Variants in PDE1A observed in about 807,000 individuals in gnomAD.
PDE1A encodes the protein phosphodiesterase 1A.
PDE1A carries 35 observed loss-of-function variants against 61.7 expected under a neutral mutation model. The observed-to-expected ratio is 0.57, with a 90% CI of 0.43 to 0.75. The LOEUF is 0.75. Ranked by LOEUF, PDE1A falls within the 30% of genes least tolerant of loss-of-function variation. PDE1A has a pLI of 0.00. For synonymous variants in PDE1A, 232 were observed against 213.2 expected, an observed-to-expected ratio of 1.09 and a Z score of -0.77; for missense variants, 597 against 630.6, an observed-to-expected ratio of 0.95 and a Z score of 0.57.
chr2:182,208,259 T>A (rs1050293792), intron 7 of PDE1A, among the ~76,000 whole-genome samples: 3 of 152,104 alleles, frequency 2.0e-5, no homozygotes, highest in Non-Finnish European at 2.9e-5. Flanking sequence ...GACTTACAGT[T>A]CTGCATGGCT....
Position 182,522,565 on chromosome 2 carries a change from T to G in PDE1A, c.-11+100A>C. The stretch of plus-strand genomic sequence containing the variant: ...ACTTTGACAGGCATATATCCACTGC[T>G]CACCACCTCACCACCCCCCTAAGCA... On this transcript the variant is annotated intron_variant, in intron 1 of 14. Coordinates refer to the PDE1A transcript ENST00000410103. 2.2e-6 allele frequency: 3 copies of G among 1,393,792 alleles called. No individual in the cohort carries two copies. The South Asian group carries it at 4.9e-5, about 23-fold the overall frequency. 86.3% of individuals were successfully genotyped at this position (1,393,792 alleles called of 1,614,324 possible).
At chr2:182,453,282 G>C (rs1685648934) in intron 2 of PDE1A, among the ~76,000 whole-genome samples, 1 of 151,924 alleles carries the variant, frequency 6.6e-6, no homozygotes, top group Non-Finnish European at 1.5e-5. Context: ...GGTGATGAAA[G>C]AGCTCAAAAA....
At chr2:182,175,679 T>G (rs1264855471) in intron 13 of PDE1A, among the ~76,000 whole-genome samples, 1 of 63,624 alleles carries the variant, frequency 1.6e-5, no homozygotes, top group Admixed American at 2.1e-4. Context: ...GCAGAAGCTC[T>G]TTAGTTTAAT....
chr2:182,634,235 C>T, the PDE1A span, among the ~76,000 whole-genome samples: 1 of 152,030 alleles, frequency 6.6e-6, no homozygotes, highest in Non-Finnish European at 1.5e-5. Context: ...TTAAAATGTA[C>T]AAATGTACAT....
At chr2:182,542,465 T>C in the PDE1A span, among the ~76,000 whole-genome samples, 31 of 152,320 alleles carry the variant, frequency 2.0e-4, no homozygotes, top group African/African-American at 5.8e-4. Context: ...GCATTCTGTA[T>C]GAATTAAACA....
intron 1 of PDE1A, among the ~76,000 whole-genome samples, chr2:182,328,830 C>T (rs1325147151): frequency 6.6e-6 from 1 of 152,134 alleles, no homozygotes; most frequent in Non-Finnish European, 1.5e-5. Flanking sequence ...GTAAGGGTCT[C>T]TGCATTATTT....
At chr2:182,185,729 T>TG in intron 13 of PDE1A, 163 bp downstream of exon 13, 1 of 1,359,194 alleles carries the variant, frequency 7.4e-7, no homozygotes, top group Non-Finnish European at 9.9e-7. Context: ...ATCTAATAAA[T>TG]GAGCCAACTT....
chr2:182,425,595 A>G (rs965191517), intron 1 of PDE1A, among the ~76,000 whole-genome samples: 1 of 152,226 alleles, frequency 6.6e-6, no homozygotes, highest in Non-Finnish European at 1.5e-5. Context: ...ATGTTTAATC[A>G]GTAAAAATGG....
intron 2 of PDE1A, among the ~76,000 whole-genome samples, chr2:182,500,874 C>A (rs943662315): frequency 1.3e-5 from 2 of 152,134 alleles, no homozygotes; most frequent in Admixed American, 6.5e-5. Context: ...ACTTTCACTT[C>A]TCCTCACACC....
intron 1 of PDE1A, among the ~76,000 whole-genome samples, chr2:182,419,245 A>C (rs1275721572): frequency 6.6e-6 from 1 of 152,114 alleles, no homozygotes; most frequent in Admixed American, 6.6e-5. Context: ...TATATACTTC[A>C]TCTATTCTTT....
intron 1 of PDE1A, among the ~76,000 whole-genome samples, chr2:182,351,878 G>A (rs1698900952): frequency 6.6e-6 from 1 of 152,154 alleles, no homozygotes; most frequent in Non-Finnish European, 1.5e-5. Context: ...TCTGGATTAA[G>A]AAAATAGGTA....
intron 2 of PDE1A, among the ~76,000 whole-genome samples, chr2:182,241,105 C>T (rs1488479280): frequency 3.3e-5 from 5 of 152,062 alleles, no homozygotes; most frequent in Non-Finnish European, 7.4e-5. Flanking sequence ...TAACAGCTGC[C>T]ATTAAAGAGG....
intron 1 of PDE1A, among the ~76,000 whole-genome samples, chr2:182,409,731 T>G (rs1482632297): frequency 1.3e-5 from 2 of 152,204 alleles, no homozygotes; most frequent in Non-Finnish European, 2.9e-5. Context: ...TTTTTATAGA[T>G]GAACCTCCAG....
intron 2 of PDE1A, among the ~76,000 whole-genome samples, chr2:182,480,118 G>A (rs371133346): frequency 1.3e-5 from 2 of 151,884 alleles, no homozygotes; most frequent in South Asian, 2.1e-4. Context: ...GATCAACAGT[G>A]TTTTCAGGTA....
the PDE1A span, among the ~76,000 whole-genome samples, chr2:182,585,235 G>A: frequency 6.6e-6 from 1 of 152,164 alleles, no homozygotes. Context: ...TAGAGATCCT[G>A]ATGAAAATTA....
the PDE1A span, among the ~76,000 whole-genome samples, chr2:182,616,194 T>C: frequency 5.9e-5 from 9 of 152,220 alleles, no homozygotes; most frequent in Non-Finnish European, 8.8e-5. Context: ...CCTACCTCAG[T>C]GAGATGCTGA....
At chr2:182,524,401 A>T (rs1389266264), upstream of PDE1A, among the ~76,000 whole-genome samples, 1 of 152,176 alleles carries the variant, frequency 6.6e-6, no homozygotes, top group African/African-American at 2.4e-5. Context: ...TACCAATAAC[A>T]TTGCAAAGTA....
chr2:182,651,627 A>T, the PDE1A span, among the ~76,000 whole-genome samples: 2 of 152,220 alleles, frequency 1.3e-5, no homozygotes, highest in East Asian at 1.9e-4. Context: ...TGCACTTTTT[A>T]AAAACTTATA....
At chr2:182,303,191 C>A (rs1405022540) in intron 1 of PDE1A, among the ~76,000 whole-genome samples, 1 of 152,118 alleles carries the variant, frequency 6.6e-6, no homozygotes, top group Non-Finnish European at 1.5e-5. Flanking sequence ...TTTCAATTTA[C>A]TTTGCCCAGA....
Sources: allele counts gnomAD v4.1 joint callset (sites outside exome capture counted in the v4.1 genomes callset), GRCh38; gene constraint gnomAD v4.1.1; transcripts MANE v1.5; gene names NCBI Gene and HGNC (gene_info 2026-07-23, HGNC 2026-07-21).